The following LPIN3 variants were observed in gnomAD, a reference collection of about 807,000 sequenced individuals.
LPIN3 encodes the protein lipin 3.
A neutral mutation model predicts 94.7 loss-of-function variants in LPIN3; 82 were observed. The observed-to-expected ratio is 0.87, with a 90% confidence interval of 0.72 to 1.04. The LOEUF is 1.04. Among genes scored for constraint, LPIN3 ranks in the 50% least tolerant of loss-of-function variants. LPIN3 has a pLI of 0.00. For missense variants in LPIN3, 996 were observed against 1,090.5 expected, an observed-to-expected ratio of 0.91 and a Z score of 1.22; for synonymous variants, 418 against 443.3, an observed-to-expected ratio of 0.94 and a Z score of 0.72.
rs2046301681 is a variant in LPIN3, at chr20:41,358,626, A to C, written c.2411+84A>C. ...TCCCTGGGCCCCAATTTTACCTCTT[A>C]CCGGGGAGTCTGTCCCTTACTCTGG... On this transcript the variant is annotated intron_variant, in intron 19 of 19. Coordinates refer to ENST00000373257, the MANE Select transcript of LPIN3 (RefSeq NM_022896.3). The C allele has an allele frequency of 5.0e-6, 8 of 1,603,374 alleles. No individual in the cohort carries two copies. The South Asian group carries it at 8.9e-5, about 18-fold the overall frequency.
rs1339430969 is a variant in LPIN3, at chr20:41,357,974, G to A, written c.2132G>A (p.Cys711Tyr). The A allele has an allele frequency of 6.2e-7, 1 of 1,612,980 alleles. No homozygotes were observed. Among genetic ancestry groups the A allele is most frequent in the Admixed American group, 1.7e-5 (1 of 59,832 alleles). Residue 711 changes from cysteine to tyrosine, a missense_variant, in exon 17 of 20, where the codon TGT (cysteine) becomes TAT (tyrosine). Transcript: ENST00000373257. ...GYLQWVSEGG[C>Y]SLPKGPILLS... The stretch of plus-strand genomic sequence containing the variant: ...CTGCAGTGGGTGAGCGAGGGGGGCT[G>A]TAGCCTCCCCAAGGGCCCCATCCTT...
rs201395513 is a variant in LPIN3, at chr20:41,348,767, G to A, written c.437G>A (p.Arg146His). 55 of 1,612,780 alleles carry A rather than the reference G, an allele frequency of 3.4e-5. No homozygotes were observed. The highest frequency in any genetic ancestry group is 1.9e-5 in the Non-Finnish European group (23 of 1,179,580). The change falls in exon 4 of 20, where the codon CGC becomes CAC. Residue 146 changes from arginine (R) to histidine (H), a missense_variant. Coordinates refer to ENST00000373257, the MANE Select transcript of LPIN3 (RefSeq NM_022896.3). Reference sequence around the variant, plus strand: ...TCCACTGGGCGGAGGAAGAGGCGTCGCAGGAGGAAACCCAAGCAGAAAGAG... The same window carrying A: ...TCCACTGGGCGGAGGAAGAGGCGTCACAGGAGGAAACCCAAGCAGAAAGAG... ...TASTGRRKRR[R>H]RRKPKQKEDA...
chr20:41,358,444 C>CTT lies in LPIN3; in HGVS notation c.2315_2316dup (p.Ala773LeufsTer27). The CTT allele has an allele frequency of 1.2e-6, 2 of 1,614,112 alleles. No individual in the cohort carries two copies. Among genetic ancestry groups the CTT allele is most frequent in the Non-Finnish European group, 1.7e-6 (2 of 1,179,998 alleles). ...GCCCCTCCTGTCTCCCACAGGATGTCTTTGCCTACCGGCAGGTGGGCCTGC... is the reference window on the plus strand; with the variant it reads ...GCCCCTCCTGTCTCCCACAGGATGTCTTTTTGCCTACCGGCAGGTGGGCCTGC... On this transcript the variant is annotated frameshift_variant, in exon 19 of 20. Coordinates refer to ENST00000373257, the MANE Select transcript of LPIN3 (RefSeq NM_022896.3). LOFTEE classifies it high-confidence loss of function.
Position 41,349,874 on chromosome 20 carries a change from G to T in LPIN3, c.739G>T (p.Ala247Ser). The T allele has an allele frequency of 6.2e-7, 1 of 1,613,240 alleles. No individual in the cohort carries two copies. The highest frequency in any genetic ancestry group is 8.5e-7 in the Non-Finnish European group (1 of 1,179,908). ...AAGAGCCGAGTCCCACATGCAGTGGGCCTGGGGGAGGCTGCCTAAGGTGAG... is the reference window on the plus strand; with the variant it reads ...AAGAGCCGAGTCCCACATGCAGTGGTCCTGGGGGAGGCTGCCTAAGGTGAG... ...PLRAESHMQW[A>S]WGRLPKVARA... The change falls in exon 6 of 20, where the codon GCC (alanine) becomes TCC (serine). Residue 247 changes from alanine (A) to serine (S), a missense_variant. Physicochemically the swap from Ala to Ser is moderately conservative, Grantham distance 99 (BLOSUM62 1). Coordinates refer to ENST00000373257, the MANE Select transcript of LPIN3 (RefSeq NM_022896.3).
At chr20:41,347,487 G>T in intron 2 of LPIN3, 65 bp from the exon 3 acceptor site, 1 of 1,505,678 alleles carries the variant, frequency 6.6e-7, no homozygotes, top group Non-Finnish European at 9.2e-7. Context: ...GGACCAGCCA[G>T]GAGGCCTGTG....
At position 41,344,937 on chromosome 20, in the gene LPIN3, T is replaced by C. The variant is rs77865741; in HGVS notation, c.-8-859T>C. On this transcript the variant is annotated intron_variant, in intron 1 of 19. Transcript: ENST00000373257. ...AGGGAAACTGGGAAGGAATTTGTAG[T>C]TTGGGGCCTTAAGCCCCCAGCTATA... Among the ~76,000 whole-genome samples, 398 of 152,328 alleles carry C rather than the reference T, an allele frequency of 2.6e-3. 3 individuals carry two copies. Among genetic ancestry groups the C allele is most frequent in the African/African-American group, 9.2e-3 (383 of 41,570 alleles).
rs2045950845 is a variant in LPIN3, at chr20:41,350,116, C to G, written c.821C>G (p.Ser274Cys). ...VVLEGRAGATSPPRGGPSTPS... is the reference protein window; with the variant it reads ...VVLEGRAGATCPPRGGPSTPS... The stretch of plus-strand genomic sequence containing the variant: ...CTTGAAGGCAGAGCTGGGGCAACCT[C>G]TCCTCCTCGGGGAGGACCCAGCACT... Residue 274 changes from serine (S) to cysteine (C), a missense_variant, in exon 7 of 20, where the codon TCT becomes TGT. Transcript: ENST00000373257. 1 of 1,611,764 alleles carries G rather than the reference C, an allele frequency of 6.2e-7. No individual in the cohort carries two copies. The highest frequency in any genetic ancestry group is 1.3e-5 in the African/African-American group (1 of 75,020).
At chr20:41,357,214 G>T (rs747229465) in intron 15 of LPIN3, 26 bp downstream of exon 15, 3 of 1,613,046 alleles carry the variant, frequency 1.9e-6, no homozygotes, top group Non-Finnish European at 1.7e-6. Flanking sequence ...CTGTGGGAAG[G>T]GGAGGGAGAG....
chr20:41,351,589 C>T (rs2062406168), intron 7 of LPIN3, among the ~76,000 whole-genome samples: 1 of 152,138 alleles, frequency 6.6e-6, no homozygotes, highest in African/African-American at 2.4e-5. Flanking sequence ...GCCACCACGC[C>T]CAGCCTAGAA....
intron 2 of LPIN3, among the ~76,000 whole-genome samples, chr20:41,346,748 T>A (rs969817354): frequency 5.9e-5 from 9 of 151,984 alleles, no homozygotes; most frequent in African/African-American, 1.9e-4. Flanking sequence ...TCTCAAAAAA[T>A]AAATAAATAA....
Position 41,355,982 on chromosome 20 carries a change from C to A in LPIN3, c.1751C>A (p.Pro584Gln). The change falls in exon 14 of 20, where the codon CCA becomes CAA. Residue 584 changes from proline to glutamine, a missense_variant. Coordinates refer to ENST00000373257, the MANE Select transcript of LPIN3 (RefSeq NM_022896.3). ...ATCCCCTCCTTGCCACCCTCCACTC[C>A]ACCCTCCACTCCTACCTACAAGAAG... ...LEIPSLPPSTPPSTPTYKKSL... is the reference protein window; with the variant it reads ...LEIPSLPPSTQPSTPTYKKSL... 6.2e-7 allele frequency: 1 copy of A among 1,614,148 alleles called. No individual in the cohort carries two copies. The highest frequency in any genetic ancestry group is 8.5e-7 in the Non-Finnish European group (1 of 1,179,998).
At chr20:41,350,667 A>G (rs890354089) in intron 7 of LPIN3, among the ~76,000 whole-genome samples, 3 of 152,166 alleles carry the variant, frequency 2.0e-5, no homozygotes, top group Admixed American at 6.5e-5. Context: ...GAGCTAAGAC[A>G]TGGATAATGA....
At chr20:41,356,975 AG>A (rs2046229102) in intron 14 of LPIN3, 64 bp from the exon 15 acceptor site, 2 of 1,576,272 alleles carry the variant, frequency 1.3e-6, no homozygotes, top group African/African-American at 2.7e-5. Flanking sequence ...CCACGGCGTA[AG>A]GGGAGAGGTA....
rs1034027819 is a variant in LPIN3, at chr20:41,360,518, T to C, written c.*1652T>C. The C allele has an allele frequency of 6.5e-6, 1 of 152,712 alleles. No individual in the cohort carries two copies. Among genetic ancestry groups the C allele is most frequent in the African/African-American group, 2.4e-5 (1 of 41,462 alleles). The allele number at this position is 152,712 out of a possible 1,614,324, so 9.5% of individuals were successfully genotyped here. ...CCTGGATTCCGTTCTTTCCTGGGGT[T>C]CTACAGCTGCCTAAGCCCTCACCTT... On this transcript the variant is annotated 3_prime_UTR_variant, in exon 20 of 20. Coordinates refer to ENST00000373257, the MANE Select transcript of LPIN3 (RefSeq NM_022896.3).
At chr20:41,351,785 T>C (rs2046024797) in intron 7 of LPIN3, 36 bp from the exon 8 acceptor site, 1 of 1,592,486 alleles carries the variant, frequency 6.3e-7, no homozygotes, top group Non-Finnish European at 8.6e-7. Flanking sequence ...GCTGAGCACA[T>C]GTCAGCTCTA....
intron 1 of LPIN3, among the ~76,000 whole-genome samples, chr20:41,343,503 A>G (rs2045661878): frequency 6.6e-6 from 1 of 152,368 alleles, no homozygotes; most frequent in South Asian, 2.1e-4. Flanking sequence ...TTAGGGGTCC[A>G]GGGAGTTTCA....
intron 2 of LPIN3, among the ~76,000 whole-genome samples, chr20:41,347,109 A>G (rs2045807404): frequency 6.6e-6 from 1 of 152,240 alleles, no homozygotes; most frequent in Admixed American, 6.5e-5. Context: ...TAATCTATAG[A>G]AAACACTCCA....
At position 41,352,691 on chromosome 20, in the gene LPIN3, CA is replaced by C; in HGVS notation, c.1451del (p.Asn484MetfsTer13). 1 of 1,614,070 alleles carries C rather than the reference CA, an allele frequency of 6.2e-7. No individual in the cohort carries two copies. The highest frequency in any genetic ancestry group is 8.5e-7 in the Non-Finnish European group (1 of 1,179,928). ...LDDPNLVVKI[N>X]GKHYNWAVAA... ...ATGACCCAAACCTAGTGGTGAAAAT[CA>C]ATGGAAAGTAAGTCCCAGAGCTGGG... On this transcript the variant is annotated frameshift_variant, in exon 10 of 20. Transcript: ENST00000373257. LOFTEE classifies it high-confidence loss of function.
intron 14 of LPIN3, 100 bp from the exon 15 acceptor site, chr20:41,356,940 A>G (rs2046227004): frequency 8.7e-6 from 12 of 1,377,838 alleles, no homozygotes; most frequent in African/African-American, 2.9e-5. Context: ...GAAGAGGAGA[A>G]TGAGAGGCCC....
Sources: allele counts gnomAD v4.1 joint callset (sites outside exome capture counted in the v4.1 genomes callset), GRCh38; gene constraint gnomAD v4.1.1; transcripts MANE v1.5; gene names NCBI Gene and HGNC (gene_info 2026-07-23, HGNC 2026-07-21).